Variants in NELFCD observed in about 807,000 individuals in gnomAD.
The protein encoded by NELFCD is negative elongation factor complex member C/D.
NELFCD carries 48 observed loss-of-function variants against 72.9 expected under a neutral mutation model. That is an observed-to-expected ratio of 0.66 (90% CI 0.52 to 0.84). The LOEUF (loss-of-function observed/expected upper bound fraction) is 0.84. NELFCD is among the 40% of genes least tolerant of loss of function. The probability of loss-of-function intolerance (pLI) is 0.00; values close to 1 mark genes in which losing one functional copy is unlikely to be tolerated. For synonymous variants in NELFCD, 297 were observed against 280.6 expected (o/e 1.06, Z -0.59); for missense variants, 538 against 723.8 (o/e 0.74, Z 2.94).
At position 58,990,766 on chromosome 20, in the gene NELFCD, A is replaced by G. The variant is rs557518135; in HGVS notation, c.789-144A>G. On this transcript the variant is annotated intron_variant, in intron 7 of 14. Coordinates refer to ENST00000652272, the MANE Select transcript of NELFCD (RefSeq NM_198976.4). ...ATTGGAATCACTTTTCCAGTGTTGTAAATGTTATTTTTGTGGGTCAGTCAG... is the reference window on the plus strand; with the variant it reads ...ATTGGAATCACTTTTCCAGTGTTGTGAATGTTATTTTTGTGGGTCAGTCAG... 310 of 686,640 alleles carry G rather than the reference A, an allele frequency of 4.5e-4. 3 individuals are homozygous for G. In the Middle Eastern group the frequency reaches 0.018, roughly 40 times the overall value. The allele number at this position is 686,640 out of a possible 1,614,324, so 42.5% of individuals were successfully genotyped here.
Position 58,994,664 on chromosome 20 carries a change from C to T in NELFCD, c.1734C>T (p.Ile578=), listed in dbSNP as rs1486797954. 1.9e-6 allele frequency: 3 copies of T among 1,611,474 alleles called. No homozygotes were observed. Among genetic ancestry groups the T allele is most frequent in the Non-Finnish European group, 2.5e-6 (3 of 1,177,922 alleles). Residue 578 remains isoleucine (I), a synonymous_variant, in exon 15 of 15, where the codon ATC becomes ATT. Transcript: ENST00000652272. ...AAGCTCACTGCAAATCTAACTTCAT[C>T]ATGGTGAACTAATTTAGAGCATCCT... ...EFIAHCKSNF[I]MVN is the part of the protein sequence containing the mutation.
Position 58,994,230 on chromosome 20 carries a change from GAGTTT to G in NELFCD, c.1704_1708del (p.Glu568AspfsTer7). 1.2e-6 allele frequency: 2 copies of G among 1,614,114 alleles called. No individual in the cohort carries two copies. Among genetic ancestry groups the G allele is most frequent in the Non-Finnish European group, 1.7e-6 (2 of 1,179,976 alleles). On this transcript the variant is annotated frameshift_variant, in exon 14 of 15. Transcript: ENST00000652272. LOFTEE classifies it high-confidence loss of function. Reference sequence around the variant, plus strand: ...GGAAGGCGAGCATGACCCTGTGACGGAGTTTATAGGTGAGGCCGACTGCCTAGCCC... The same window carrying G: ...GGAAGGCGAGCATGACCCTGTGACGGATAGGTGAGGCCGACTGCCTAGCCC...
At chr20:58,981,641 G>C (rs2091733675) in intron 1 of NELFCD, among the ~76,000 whole-genome samples, 1 of 151,242 alleles carries the variant, frequency 6.6e-6, no homozygotes, top group Non-Finnish European at 1.5e-5. Context: ...GGCGCGGGGC[G>C]GCCCGAGGCC....
chr20:58,991,218 G>A (rs969893882), intron 8 of NELFCD, 94 bp from the exon 9 acceptor site: 1 of 1,577,776 alleles, frequency 6.3e-7, no homozygotes, highest in Non-Finnish European at 8.7e-7. Context: ...CCTGGAGCCT[G>A]TTGGGCCCCT....
At chr20:58,982,929 T>C (rs979506782) in intron 1 of NELFCD, among the ~76,000 whole-genome samples, 3 of 151,968 alleles carry the variant, frequency 2.0e-5, no homozygotes, top group Non-Finnish European at 4.4e-5. Flanking sequence ...ATCTGGTAAG[T>C]GTAGAAAATG....
At chr20:58,989,690 CTTGGTTTTCAAGCA>C in intron 6 of NELFCD, 50 bp downstream of exon 6, 1 of 1,612,862 alleles carries the variant, frequency 6.2e-7, no homozygotes. Flanking sequence ...TGCTTTGGGT[CTTGGTTTTCAAGCA>C]TGAGATGCTC....
chr20:58,994,543 CAA>C (rs1382623136), intron 14 of NELFCD, 97 bp from the exon 15 acceptor site: 21 of 972,494 alleles, frequency 2.2e-5, no homozygotes, highest in Admixed American at 4.6e-5. Flanking sequence ...TCCTGGGCAA[CAA>C]GAGCAAAACT....
intron 1 of NELFCD, among the ~76,000 whole-genome samples, chr20:58,983,387 C>T (rs1409366518): frequency 4.0e-5 from 6 of 151,550 alleles, no homozygotes; most frequent in African/African-American, 9.7e-5. Flanking sequence ...CCGCCTGCCC[C>T]GGCCTCCCAA....
rs1187925846 is a variant in NELFCD, at chr20:58,991,460, T to C, written c.1089+14T>C. On this transcript the variant is annotated intron_variant, in intron 9 of 14. Transcript: ENST00000652272. ...ACCTGGAAGAAGGTACCATCGGTTC[T>C]GGGAATTTGTGGATTTTTTAGGAGA... 3.1e-6 allele frequency: 5 copies of C among 1,613,408 alleles called. No homozygotes were observed. The Admixed American group carries it at 5.0e-5, about 16-fold the overall frequency.
In NELFCD at chr20:58,994,723, G is replaced by A. The variant is rs959195797; in HGVS notation, c.*47G>A. 4.6e-6 allele frequency: 7 copies of A among 1,522,862 alleles called. No individual in the cohort carries two copies. The highest frequency in any genetic ancestry group is 6.3e-6 in the Non-Finnish European group (7 of 1,102,912). The allele number at this position is 1,522,862 out of a possible 1,614,324, so 94.3% of individuals were successfully genotyped here. A position where few individuals can be genotyped will look rare whatever the true frequency, so the allele number is the denominator to read the frequency against. On this transcript the variant is annotated 3_prime_UTR_variant, in exon 15 of 15. Transcript: ENST00000652272. The stretch of plus-strand genomic sequence containing the variant: ...GAAGCAGAACATTCCAGAACCCGTT[G>A]TGGAAAAACCCTTTCAAGAAGCTGT...
chr20:58,985,501 G>T (rs2091765283), intron 1 of NELFCD, among the ~76,000 whole-genome samples: 1 of 152,198 alleles, frequency 6.6e-6, no homozygotes, highest in African/African-American at 2.4e-5. Context: ...TTTGCCCTTA[G>T]ATGGAGTGAC....
At chr20:58,992,146 T>C in intron 10 of NELFCD, 126 bp downstream of exon 10, 1 of 1,069,742 alleles carries the variant, frequency 9.3e-7, no homozygotes, top group Admixed American at 2.6e-5. Flanking sequence ...TTTTTTCATT[T>C]TTAAACAGTA....
chr20:58,989,979 C>T lies in NELFCD; in HGVS notation c.779C>T (p.Ala260Val), dbSNP rs1171218128. ...ATCGCCCAGGAAGTGCAGCGCTTTGCCCAGGAGAAGTGAGAGGCCCTGTTT... is the reference window on the plus strand; with the variant it reads ...ATCGCCCAGGAAGTGCAGCGCTTTGTCCAGGAGAAGTGAGAGGCCCTGTTT... Reference protein sequence around the residue: ...RRIAQEVQRFAQEKGHDASQI... With the variant: ...RRIAQEVQRFVQEKGHDASQI... Residue 260 changes from alanine to valine, a missense_variant, in exon 7 of 15, where the codon GCC becomes GTC. This residue lies in a region of NELFCD where 355 missense variants were observed against 534.5 expected (regional missense o/e 0.66). Coordinates refer to ENST00000652272, the MANE Select transcript of NELFCD (RefSeq NM_198976.4). 6.2e-7 allele frequency: 1 copy of T among 1,612,782 alleles called. No homozygotes were observed. The highest frequency in any genetic ancestry group is 8.5e-7 in the Non-Finnish European group (1 of 1,180,012).
intron 5 of NELFCD, 36 bp downstream of exon 5, chr20:58,989,057 T>G (rs770133932): frequency 6.9e-7 from 1 of 1,458,112 alleles, no homozygotes; most frequent in Non-Finnish European, 9.6e-7. Flanking sequence ...GAAAAGTGTT[T>G]ATGAATGTTT....
intron 4 of NELFCD, among the ~76,000 whole-genome samples, chr20:58,988,427 A>T (rs2091788472): frequency 6.6e-6 from 1 of 152,202 alleles, no homozygotes; most frequent in South Asian, 2.1e-4. Flanking sequence ...GGCTGGGAGC[A>T]GCCTCGGGGA....
Position 58,986,636 on chromosome 20 carries a change from C to T in NELFCD, c.177-118C>T. 1.3e-6 allele frequency: 1 copy of T among 786,724 alleles called. No individual in the cohort carries two copies. 48.7% of individuals were successfully genotyped at this position (786,724 alleles called of 1,614,324 possible). On this transcript the variant is annotated intron_variant, in intron 2 of 14. Coordinates refer to ENST00000652272, the MANE Select transcript of NELFCD (RefSeq NM_198976.4). The surrounding 1 kb of genome is among the most constrained non-coding windows in gnomAD (Gnocchi z 4.4). ...GGGATTACAGGTGTGCACCACTGCA[C>T]CCAGCCCCCTCCGCTGCTTTAAAAA...
chr20:58,994,642 C>G lies in NELFCD; in HGVS notation c.1712C>G (p.Ala571Gly). The change falls in exon 15 of 15, where the codon GCT (alanine) becomes GGT (glycine). Residue 571 changes from alanine to glycine, a missense_variant and splice_region_variant. Ala to Gly is a moderately conservative substitution (Grantham distance 60, BLOSUM62 0). This residue lies in a region of NELFCD where 136 missense variants were observed against 154.0 expected (regional missense o/e 0.88). Transcript: ENST00000652272. ...ACAGTCACTGTTTTCCTCGTTAAAG[C>G]TCACTGCAAATCTAACTTCATCATG... ...GEHDPVTEFI[A>G]HCKSNFIMVN is the part of the protein sequence containing the mutation. The G allele has an allele frequency of 6.2e-7, 1 of 1,608,366 alleles. No individual in the cohort carries two copies. Among genetic ancestry groups the G allele is most frequent in the Non-Finnish European group, 8.5e-7 (1 of 1,175,088 alleles).
intron 1 of NELFCD, among the ~76,000 whole-genome samples, chr20:58,983,638 C>G (rs1263615157): frequency 6.6e-6 from 1 of 152,112 alleles, no homozygotes; most frequent in African/African-American, 2.4e-5. Context: ...GTTGGCCAGG[C>G]TGGTCTCGAA....
In NELFCD at chr20:58,991,865, G is replaced by T; in HGVS notation, c.1090-16G>T. 6.2e-7 allele frequency: 1 copy of T among 1,612,060 alleles called. No homozygotes were observed. Among genetic ancestry groups the T allele is most frequent in the Non-Finnish European group, 8.5e-7 (1 of 1,178,656 alleles). The stretch of plus-strand genomic sequence containing the variant: ...TCTGCCCTGTCAGGCTCACCAGCTT[G>T]TGTGTGTGTTTTCAGAACAAGCGAG... On this transcript the variant is annotated splice_polypyrimidine_tract_variant and intron_variant, in intron 9 of 14. Transcript: ENST00000652272.
Sources: gnomAD v4.1 joint callset for allele counts (sites outside exome capture counted in the v4.1 genomes callset) on GRCh38, gnomAD v4.1.1 for gene constraint, gnomAD v4.1.1 regional missense constraint, Gnocchi (gnomAD v3.1) non-coding constraint, MANE v1.5 for transcripts, NCBI Gene and HGNC (gene_info 2026-07-23, HGNC 2026-07-21) for gene names.